Variants in ARHGEF26 observed in about 807,000 individuals in gnomAD.
ARHGEF26 encodes Rho guanine nucleotide exchange factor 26, also known as Rho guanine nucleotide exchange factor (GEF) 26.
In ARHGEF26, 59 loss-of-function variants were observed where a neutral mutation model predicts 89.4. The observed-to-expected ratio is 0.66, with a 90% CI of 0.54 to 0.82. The LOEUF is 0.82. Among genes scored for constraint, ARHGEF26 ranks in the 40% least tolerant of loss-of-function variants. ARHGEF26 has a pLI of 0.00. For synonymous variants in ARHGEF26, 500 were observed against 428.4 expected (o/e 1.17, Z -2.06); for missense variants, 1,234 against 1,085.6 (o/e 1.14, Z -1.92).
chr3:154,183,302 A>G (rs1346611234), intron 6 of ARHGEF26, among the ~76,000 whole-genome samples: 4 of 152,220 alleles, frequency 2.6e-5, no homozygotes, highest in African/African-American at 9.6e-5. Flanking sequence ...TTACAGGGAA[A>G]AAAAAGATAA....
intron 6 of ARHGEF26, among the ~76,000 whole-genome samples, chr3:154,181,168 C>T (rs375618642): frequency 6.6e-6 from 1 of 152,144 alleles, no homozygotes; most frequent in Non-Finnish European, 1.5e-5. Flanking sequence ...ATCTTACTTA[C>T]CGGCAGCAGA....
At position 154,122,185 on chromosome 3, in the gene ARHGEF26, C is replaced by G. The variant is rs771019208; in HGVS notation, c.193C>G (p.Pro65Ala). ...DGGTLLAAQI[P>A]AQVPTASDSR... ...AGGGACGCTCCTCGCAGCGCAGATT[C>G]CCGCCCAGGTGCCCACCGCCTCGGA... The change falls in exon 2 of 15, where the codon CCC becomes GCC. Residue 65 changes from proline to alanine, a missense_variant. By Grantham distance (27) the Pro-to-Ala change is conservative. Transcript: ENST00000465093. 3.7e-6 allele frequency: 6 copies of G among 1,600,612 alleles called. No homozygotes were observed. The South Asian group carries it at 4.5e-5, about 12-fold the overall frequency.
At chr3:154,225,356 TGTAG>T (rs1395913808) in intron 10 of ARHGEF26, among the ~76,000 whole-genome samples, 3 of 152,154 alleles carry the variant, frequency 2.0e-5, no homozygotes, top group Non-Finnish European at 4.4e-5. Flanking sequence ...AAAATAAGCA[TGTAG>T]GTTTTTTTCT....
At chr3:154,212,725 G>A (rs1032617519) in intron 9 of ARHGEF26, among the ~76,000 whole-genome samples, 2 of 151,998 alleles carry the variant, frequency 1.3e-5, no homozygotes, top group African/African-American at 2.4e-5. Flanking sequence ...TTACAATAAG[G>A]TTCACACTCC....
chr3:154,185,115 A>G (rs1314662677), intron 6 of ARHGEF26, among the ~76,000 whole-genome samples: 1 of 152,002 alleles, frequency 6.6e-6, no homozygotes, highest in Admixed American at 6.6e-5. Flanking sequence ...TTTTCTTTGT[A>G]GGCCTCTTTG....
At chr3:154,134,820 C>T (rs1718907358) in intron 4 of ARHGEF26, among the ~76,000 whole-genome samples, 3 of 151,256 alleles carry the variant, frequency 2.0e-5, no homozygotes, top group Non-Finnish European at 4.4e-5. Context: ...AAAGCCTTTT[C>T]TGCATCTATT....
chr3:154,125,747 C>T (rs1718291063), intron 3 of ARHGEF26, among the ~76,000 whole-genome samples: 1 of 151,976 alleles, frequency 6.6e-6, no homozygotes, highest in Non-Finnish European at 1.5e-5. Context: ...TCTGTGTATC[C>T]TCTCATTTCT....
At chr3:154,221,175 A>G (rs1716104624) in intron 10 of ARHGEF26, among the ~76,000 whole-genome samples, 2 of 152,160 alleles carry the variant, frequency 1.3e-5, no homozygotes, top group Non-Finnish European at 2.9e-5. Context: ...GAAAGTTGCA[A>G]ATTAGAAAAC....
In ARHGEF26 at chr3:154,122,125, G is replaced by A. The variant is rs374318138; in HGVS notation, c.133G>A (p.Gly45Arg). ...PRPQSYQSPN[G>R]LLITDFPVED... ...GCCCCAGTCCTACCAGAGCCCCAAC[G>A]GGTTACTAATTACGGATTTCCCGGT... The change falls in exon 2 of 15, where the codon GGG (glycine) becomes AGG (arginine). Residue 45 changes from glycine (G) to arginine (R), a missense_variant. Gly to Arg is a moderately radical substitution (Grantham distance 125). Coordinates refer to ENST00000465093, the MANE Select transcript of ARHGEF26 (RefSeq NM_015595.4). 9.1e-5 allele frequency: 146 copies of A among 1,607,292 alleles called. No individual in the cohort carries two copies. The highest frequency in any genetic ancestry group is 3.3e-4 in the Middle Eastern group (2 of 6,052).
intron 3 of ARHGEF26, among the ~76,000 whole-genome samples, chr3:154,126,257 C>T (rs969157329): frequency 6.6e-6 from 1 of 152,156 alleles, no homozygotes; most frequent in Non-Finnish European, 1.5e-5. Context: ...GGGGCAGATG[C>T]ATGCTTGTTT....
intron 2 of ARHGEF26, 22 bp from the exon 3 acceptor site, chr3:154,124,388 T>TTTTCTTTTTTTTTTTTC: frequency 7.0e-7 from 1 of 1,418,932 alleles, no homozygotes; most frequent in Non-Finnish European, 9.3e-7. Flanking sequence ...TTTTTTTTTT[T>TTTTCTTTTTTTTTTTTC]TTACTTTTTT....
At chr3:154,222,971 CAAG>C (rs1716231287) in intron 10 of ARHGEF26, among the ~76,000 whole-genome samples, 2 of 152,128 alleles carry the variant, frequency 1.3e-5, no homozygotes, top group East Asian at 3.9e-4. Context: ...GTCACTAAAC[CAAG>C]AAGATCGAAA....
intron 10 of ARHGEF26, among the ~76,000 whole-genome samples, chr3:154,221,807 T>C (rs1716147268): frequency 6.6e-6 from 1 of 152,180 alleles, no homozygotes; most frequent in African/African-American, 2.4e-5. Flanking sequence ...GGGGCAGTGG[T>C]CAGGGAGTGG....
chr3:154,250,486 G>A (rs1269160122), intron 12 of ARHGEF26, among the ~76,000 whole-genome samples: 2 of 152,130 alleles, frequency 1.3e-5, no homozygotes, highest in Non-Finnish European at 1.5e-5. Flanking sequence ...CCCTGTGAGG[G>A]GTGGCCATGT....
intron 6 of ARHGEF26, among the ~76,000 whole-genome samples, chr3:154,175,497 A>C (rs1712758525): frequency 6.6e-6 from 1 of 152,218 alleles, no homozygotes; most frequent in South Asian, 2.1e-4. Context: ...AAAACCTTTA[A>C]AATTGTATTT....
At chr3:154,154,558 C>T (rs1470141989) in intron 6 of ARHGEF26, among the ~76,000 whole-genome samples, 8 of 117,832 alleles carry the variant, frequency 6.8e-5, no homozygotes, top group African/African-American at 1.9e-4. Flanking sequence ...TCCCCTCTAT[C>T]CTATTCTCTT....
chr3:154,183,671 T>C (rs1433708328), intron 6 of ARHGEF26, among the ~76,000 whole-genome samples: 3 of 152,228 alleles, frequency 2.0e-5, no homozygotes, highest in African/African-American at 7.2e-5. Flanking sequence ...AATTATGTCT[T>C]AATTATGTCA....
intron 12 of ARHGEF26, among the ~76,000 whole-genome samples, chr3:154,245,316 AT>A (rs1717737215): frequency 6.6e-6 from 1 of 152,206 alleles, no homozygotes. Flanking sequence ...GGCGTGAGCC[AT>A]TGTGCCCGGC....
chr3:154,187,685 G>T lies in ARHGEF26; in HGVS notation c.1488G>T (p.Lys496Asn). The T allele has an allele frequency of 1.3e-6, 2 of 1,596,300 alleles. No homozygotes were observed. The highest frequency in any genetic ancestry group is 1.1e-5 in the South Asian group (1 of 88,034). Residue 496 changes from lysine to asparagine, a missense_variant and splice_region_variant, in exon 7 of 15, where the codon AAG becomes AAT. Transcript: ENST00000465093. Reference protein sequence around the residue: ...NITDVCEASKKFFIELEARHQ... With the variant: ...NITDVCEASKNFFIELEARHQ... The stretch of plus-strand genomic sequence containing the variant: ...TTTTTTTTTCCCTTTGGTTTTTCAG[G>T]TTCTTTATAGAGTTGGAAGCAAGAC...
Sources: allele counts gnomAD v4.1 joint callset (sites outside exome capture counted in the v4.1 genomes callset), GRCh38; gene constraint gnomAD v4.1.1; transcripts MANE v1.5; gene names NCBI Gene and HGNC (gene_info 2026-07-23, HGNC 2026-07-21).